MROH2B: variants seen among roughly 807,000 people sequenced by gnomAD.
MROH2B encodes maestro heat-like repeat-containing protein family member 2B.
Under a neutral mutation model 208.6 loss-of-function variants are expected in MROH2B, and 177 were observed. The ratio of observed to expected loss-of-function variants is 0.85; its 90% CI spans 0.75 to 0.96. MROH2B has a LOEUF of 0.96. Ranked by LOEUF, MROH2B falls within the 40% of genes least tolerant of loss-of-function variation. MROH2B has a pLI of 0.00. For synonymous variants in MROH2B, 728 were observed against 659.0 expected (o/e 1.10, Z -1.60); for missense variants, 2,002 against 1,878.7 (o/e 1.07, Z -1.21).
chr5:41,017,578 G>T (rs6875804), intron 28 of MROH2B, among the ~76,000 whole-genome samples: 125,715 of 152,096 alleles, frequency 0.83, 52,200 homozygotes, highest in African/African-American at 0.87. Context: ...AAGATATACC[G>T]GTTTCAGATC....
chr5:41,017,863 C>A lies in MROH2B; in HGVS notation c.2871G>T (p.Leu957=). ...TCTTTCCCTCACCTTTTATATAGAA[C>A]AGACCAATAGTTGAGCTAGCAGCCG... ...RQAAASSTIG[L]FYIKGIHLEV... Residue 957 remains leucine, a synonymous_variant, in exon 28 of 42, where the codon CTG becomes CTT. Coordinates refer to ENST00000399564, the MANE Select transcript of MROH2B (RefSeq NM_173489.5). 1 of 1,594,740 alleles carries A rather than the reference C, an allele frequency of 6.3e-7. No individual in the cohort carries two copies. The highest frequency in any genetic ancestry group is 2.2e-5 in the East Asian group (1 of 44,464).
intron 5 of MROH2B, among the ~76,000 whole-genome samples, chr5:41,063,749 G>A (rs899183972): frequency 5.3e-5 from 8 of 152,132 alleles, no homozygotes; most frequent in Non-Finnish European, 2.9e-5. Context: ...AGAAGGGCAG[G>A]GTCACCTGGT....
chr5:41,054,824 A>G lies in MROH2B; in HGVS notation c.1050T>C (p.Asp350=). 1 of 1,611,340 alleles carries G rather than the reference A, an allele frequency of 6.2e-7. No homozygotes were observed. The highest frequency in any genetic ancestry group is 8.5e-7 in the Non-Finnish European group (1 of 1,178,588). Residue 350 remains aspartate (D), a synonymous_variant, in exon 11 of 42, where the codon GAT becomes GAC. Transcript: ENST00000399564. ...AVNADEPRLR[D]HIISIERTVK... is the part of the protein sequence containing the mutation. ...CTGTTCTTTCTATTGAAATGATGTGATCCCTCAACCTGGGCTCTGAAAGAC... is the reference window on the plus strand; with the variant it reads ...CTGTTCTTTCTATTGAAATGATGTGGTCCCTCAACCTGGGCTCTGAAAGAC...
intron 6 of MROH2B, 81 bp from the exon 7 acceptor site, chr5:41,058,284 T>C (rs1579956557): frequency 1.5e-6 from 2 of 1,350,046 alleles, no homozygotes; most frequent in African/African-American, 3.0e-5. Flanking sequence ...GAGCTTTAGG[T>C]ACTCCTGAAA....
intron 5 of MROH2B, among the ~76,000 whole-genome samples, chr5:41,063,880 G>T (rs1380070482): frequency 6.6e-6 from 1 of 152,166 alleles, no homozygotes; most frequent in Non-Finnish European, 1.5e-5. Context: ...GTAGGCTCTT[G>T]ATTTCTGTGA....
Position 41,064,521 on chromosome 5 carries a change from G to C in MROH2B, c.411C>G (p.Thr137=), listed in dbSNP as rs748366162. The C allele has an allele frequency of 6.2e-7, 1 of 1,613,474 alleles. No individual in the cohort carries two copies. The highest frequency in any genetic ancestry group is 8.5e-7 in the Non-Finnish European group (1 of 1,179,618). ...TTTCATCCTCGGCCAGCCTGAGCAT[G>C]GTTTGCATGGTGAGCAGGGTCATCA... ...FMMMTLLTMQ[T]MLRLAEDERM... Residue 137 remains threonine (T), a synonymous_variant, in exon 5 of 42, where the codon ACC becomes ACG. Transcript: ENST00000399564.
intron 39 of MROH2B, 67 bp downstream of exon 39, chr5:41,000,153 G>T: frequency 1.3e-6 from 2 of 1,579,690 alleles, no homozygotes; most frequent in Non-Finnish European, 1.7e-6. Flanking sequence ...TACATTGTTT[G>T]CCCTTCTGCG....
Position 41,065,347 on chromosome 5 carries a change from T to C in MROH2B, c.345A>G (p.Glu115=). The C allele has an allele frequency of 6.2e-7, 1 of 1,612,484 alleles. No individual in the cohort carries two copies. Among genetic ancestry groups the C allele is most frequent in the East Asian group, 2.2e-5 (1 of 44,858 alleles). ...PDEFVVLALA[E]LATSYVSQSI... is the part of the protein sequence containing the mutation. ...CCGCTATACCATAGCTGGTTGCCAA[T>C]TCAGCCAGGGCAAGCACAACGAATT... The change falls in exon 4 of 42, where the codon GAA becomes GAG. Residue 115 remains glutamate, a synonymous_variant. Coordinates refer to ENST00000399564, the MANE Select transcript of MROH2B (RefSeq NM_173489.5).
chr5:41,045,213 C>T (rs1743078854), intron 18 of MROH2B, among the ~76,000 whole-genome samples: 1 of 152,214 alleles, frequency 6.6e-6, no homozygotes, highest in Non-Finnish European at 1.5e-5. Context: ...TGTTAACTGA[C>T]ACATGGCTGT....
chr5:41,045,509 A>G (rs1193107207), intron 18 of MROH2B, among the ~76,000 whole-genome samples: 1 of 152,170 alleles, frequency 6.6e-6, no homozygotes, highest in African/African-American at 2.4e-5. Context: ...TATCTATCTT[A>G]TCTACCTCTC....
At chr5:41,049,892 C>T (rs1333329610) in intron 13 of MROH2B, among the ~76,000 whole-genome samples, 1 of 152,154 alleles carries the variant, frequency 6.6e-6, no homozygotes, top group African/African-American at 2.4e-5. Context: ...GTGCTTCAGG[C>T]TCTGACCTGC....
chr5:41,038,803 T>C lies in MROH2B; in HGVS notation c.2147A>G (p.Gln716Arg). Residue 716 changes from glutamine (Q) to arginine (R), a missense_variant, in exon 21 of 42, where the codon CAA (glutamine) becomes CGA (arginine). Gln to Arg is a conservative substitution (Grantham distance 43). Transcript: ENST00000399564. Reference sequence around the variant, plus strand: ...ATCTTGATTAAGTCTGGAGAGAAGTTGCTTCTTGGGAGCATGGAGGGCCAC... The same window carrying C: ...ATCTTGATTAAGTCTGGAGAGAAGTCGCTTCTTGGGAGCATGGAGGGCCAC... Reference protein sequence around the residue: ...GAVALHAPKKQLLSRLNQDII... With the variant: ...GAVALHAPKKRLLSRLNQDII... 6.2e-7 allele frequency: 1 copy of C among 1,613,708 alleles called. No homozygotes were observed. Among genetic ancestry groups the C allele is most frequent in the South Asian group, 1.1e-5 (1 of 91,052 alleles).
At chr5:41,017,796 T>A in intron 28 of MROH2B, 54 bp downstream of exon 28, 1 of 1,527,210 alleles carries the variant, frequency 6.5e-7, no homozygotes, top group Non-Finnish European at 8.8e-7. Context: ...AAGCTGAGAA[T>A]AAAAGAAGAT....
intron 24 of MROH2B, among the ~76,000 whole-genome samples, chr5:41,023,407 G>A (rs1579921608): frequency 6.6e-6 from 1 of 152,214 alleles, no homozygotes; most frequent in South Asian, 2.1e-4. Flanking sequence ...ACAAGTTTCA[G>A]TAGCCGATTC....
At chr5:41,051,663 C>T (rs1321226657) in intron 12 of MROH2B, 1 of 152,198 alleles carries the variant, frequency 6.6e-6, no homozygotes, top group Non-Finnish European at 1.5e-5. Flanking sequence ...GAAGGAGACC[C>T]TGGAGAGCTA....
intron 13 of MROH2B, 45 bp from the exon 14 acceptor site, chr5:41,049,481 A>C (rs1304818803): frequency 2.5e-6 from 4 of 1,570,378 alleles, no homozygotes; most frequent in Non-Finnish European, 3.4e-6. Context: ...ATTCTTTTCC[A>C]TTATTTCTCC....
chr5:41,005,754 G>T (rs1741568055), intron 34 of MROH2B, 109 bp from the exon 35 acceptor site: 1 of 938,130 alleles, frequency 1.1e-6, no homozygotes, highest in South Asian at 1.6e-5. Flanking sequence ...TGCTTGGCTG[G>T]GGGTGGTGGC....
chr5:41,058,354 A>G, intron 6 of MROH2B, 151 bp from the exon 7 acceptor site: 2 of 781,640 alleles, frequency 2.6e-6, no homozygotes, highest in Non-Finnish European at 3.7e-6. Context: ...ATCTTTAAAA[A>G]ATGTTCAGGT....
chr5:41,027,264 G>C (rs1207540646), intron 24 of MROH2B, among the ~76,000 whole-genome samples: 1 of 152,062 alleles, frequency 6.6e-6, no homozygotes, highest in Non-Finnish European at 1.5e-5. Context: ...CTACAAAATG[G>C]GAGAAAATTT....
Sources: allele counts gnomAD v4.1 joint callset (sites outside exome capture counted in the v4.1 genomes callset), GRCh38; gene constraint gnomAD v4.1.1; transcripts MANE v1.5; gene names NCBI Gene and HGNC (gene_info 2026-07-23, HGNC 2026-07-21).